ZNF737: variants seen among roughly 807,000 people sequenced by gnomAD.
ZNF737 encodes the protein zinc finger protein 102 (Y3).
A neutral mutation model predicts 11.7 loss-of-function variants in ZNF737; 13 were observed. That is an observed-to-expected ratio of 1.11 (90% CI 0.73 to 1.77). The LOEUF (loss-of-function observed/expected upper bound fraction) is 1.77. Among genes scored for constraint, ZNF737 ranks in the 40% most tolerant of loss-of-function variants. The pLI is 0.00. For missense variants in ZNF737, 636 were observed against 638.0 expected (o/e 1.00, Z 0.03); for synonymous variants, 217 against 216.2 (o/e 1.00, Z -0.03).
downstream of ZNF737, among the ~76,000 whole-genome samples, chr19:20,536,665 G>C (rs1373111335): frequency 6.6e-6 from 1 of 152,112 alleles, no homozygotes; most frequent in Non-Finnish European, 1.5e-5. Flanking sequence ...AAAATTCCCA[G>C]GTGTGGTGGC....
At chr19:20,537,509 C>CTTTTTT (rs1172290847), downstream of ZNF737, among the ~76,000 whole-genome samples, 4 of 58,472 alleles carry the variant, frequency 6.8e-5, no homozygotes, top group African/African-American at 3.3e-4. Context: ...GCCTGGTTTT[C>CTTTTTT]TATTTTTTTT....
At chr19:20,557,367 G>A (rs1245788391) in intron 1 of ZNF737, among the ~76,000 whole-genome samples, 4 of 151,718 alleles carry the variant, frequency 2.6e-5, no homozygotes, top group African/African-American at 9.7e-5. Context: ...ACCTAAATAA[G>A]GCCTCCAAAA....
Position 20,543,033 on chromosome 19 carries a change from C to T in ZNF737, c.*1559G>A. 1 of 985,148 alleles carries T rather than the reference C, an allele frequency of 1.0e-6. No individual in the cohort carries two copies. The highest frequency in any genetic ancestry group is 1.2e-6 in the Non-Finnish European group (1 of 829,766). 61.0% of individuals were successfully genotyped at this position (985,148 alleles called of 1,614,324 possible). ...TGTGGATTAGTTTTTATATTCAATG[C>T]TCTGATTTAGTGTAATGTCTGAAGT... is the stretch of plus-strand genomic sequence containing the variant. On this transcript the variant is annotated 3_prime_UTR_variant, in exon 4 of 4. Transcript: ENST00000427401.
At chr19:20,565,073 T>G (rs1969245209) in intron 1 of ZNF737, among the ~76,000 whole-genome samples, 1 of 152,038 alleles carries the variant, frequency 6.6e-6, no homozygotes, top group African/African-American at 2.4e-5. Flanking sequence ...AAGCTGTGAT[T>G]ACAGACATCT....
intron 1 of ZNF737, among the ~76,000 whole-genome samples, chr19:20,555,008 G>A (rs1430176167): frequency 7.0e-6 from 1 of 143,442 alleles, no homozygotes; most frequent in East Asian, 2.1e-4. Context: ...GATTACAGGT[G>A]CCTGCCACCA....
intron 1 of ZNF737, among the ~76,000 whole-genome samples, chr19:20,555,626 A>G (rs114802659): frequency 0.017 from 2,647 of 152,302 alleles, 79 homozygotes; most frequent in African/African-American, 0.06. Context: ...AATGAAGAAA[A>G]GGCTCTGGGA....
rs1968085631 is a variant in ZNF737 at position 20,538,893 on chromosome 19, T to C, written c.*5699A>G. The stretch of plus-strand genomic sequence containing the variant: ...TTTGCTTTTTTGAAAAACAAATCTT[T>C]TGTTAATTCACTCTAAATTGAGACT... On this transcript the variant is annotated 3_prime_UTR_variant, in exon 4 of 4. Coordinates refer to ENST00000427401, the MANE Select transcript of ZNF737 (RefSeq NM_001159293.2). 1.0e-6 allele frequency: 1 copy of C among 985,376 alleles called. No homozygotes were observed. The highest frequency in any genetic ancestry group is 1.2e-6 in the Non-Finnish European group (1 of 829,830). 61.0% of individuals were successfully genotyped at this position (985,376 alleles called of 1,614,324 possible). A position where few individuals can be genotyped will look rare whatever the true frequency, so the allele number is the denominator to read the frequency against.
chr19:20,544,474 G>A lies in ZNF737; in HGVS notation c.*118C>T. ...TTATCTAATGTCTACTAAGGTTTGA[G>A]GATGAAATAAAGGCTTTGCCACATT... On this transcript the variant is annotated 3_prime_UTR_variant, in exon 4 of 4. Transcript: ENST00000427401. 1 of 1,514,938 alleles carries A rather than the reference G, an allele frequency of 6.6e-7. No individual in the cohort carries two copies. Among genetic ancestry groups the A allele is most frequent in the Admixed American group, 2.4e-5 (1 of 42,328 alleles). The allele number at this position is 1,514,938 out of a possible 1,614,324, so 93.8% of individuals were successfully genotyped here.
intron 2 of ZNF737, among the ~76,000 whole-genome samples, 194 bp from the exon 3 acceptor site, chr19:20,552,764 A>G (rs1171310057): frequency 2.0e-5 from 3 of 152,190 alleles, no homozygotes; most frequent in Admixed American, 6.5e-5. Flanking sequence ...CTGTAATCCC[A>G]GCACTTTGGG....
chr19:20,539,273 G>A lies in ZNF737; in HGVS notation c.*5319C>T. The A allele has an allele frequency of 1.0e-6, 1 of 961,502 alleles. No individual in the cohort carries two copies. The highest frequency in any genetic ancestry group is 1.8e-5 in the African/African-American group (1 of 56,482). The allele number at this position is 961,502 out of a possible 1,614,324, so 59.6% of individuals were successfully genotyped here. On this transcript the variant is annotated 3_prime_UTR_variant, in exon 4 of 4. Transcript: ENST00000427401. ...CCATTGCAGTGCAGCGTGAGTGACA[G>A]AGTGAGAATCCTTCTAAAAAAAAAA...
rs1198135063 is a variant in ZNF737, at chr19:20,543,623, T to TAGG, written c.*966_*968dup. On this transcript the variant is annotated 3_prime_UTR_variant, in exon 4 of 4. Coordinates refer to ENST00000427401, the MANE Select transcript of ZNF737 (RefSeq NM_001159293.2). Reference sequence around the variant, plus strand: ...AGTTTTGCCACATTCTTCACACTTGTAGGAGTTTTGCCAGTATGAATTATC... The same window carrying TAGG: ...AGTTTTGCCACATTCTTCACACTTGTAGGAGGAGTTTTGCCAGTATGAATTATC... 4 of 985,532 alleles carry TAGG rather than the reference T, an allele frequency of 4.1e-6. No individual in the cohort carries two copies. The highest frequency in any genetic ancestry group is 4.8e-6 in the Non-Finnish European group (4 of 829,942). The allele number at this position is 985,532 out of a possible 1,614,324, so 61.0% of individuals were successfully genotyped here.
downstream of ZNF737, among the ~76,000 whole-genome samples, chr19:20,537,191 G>GTTTTTTTT: frequency 6.8e-6 from 1 of 146,126 alleles, no homozygotes; most frequent in Non-Finnish European, 1.5e-5. Flanking sequence ...TAAGGTACTG[G>GTTTTTTTT]TTTTTTTTTT....
downstream of ZNF737, among the ~76,000 whole-genome samples, chr19:20,531,224 G>GGAGGAGA (rs1555752784): frequency 8.5e-6 from 1 of 117,624 alleles, no homozygotes; most frequent in Non-Finnish European, 1.7e-5. Context: ...CGTGGAAAGG[G>GGAGGAGA]GAGGAGAGAG....
At position 20,545,023 on chromosome 19, in the gene ZNF737, C is replaced by G. The variant is rs782686566; in HGVS notation, c.1180G>C (p.Glu394Gln). The G allele has an allele frequency of 5.6e-6, 9 of 1,613,670 alleles. No homozygotes were observed. The South Asian group carries it at 9.9e-5, about 18-fold the overall frequency. Residue 394 changes from glutamate to glutamine, a missense_variant, in exon 4 of 4, where the codon GAG becomes CAG. By Grantham distance (29) the Glu-to-Gln change is conservative. Transcript: ENST00000427401. ...LTTHKRIHTG[E>Q]KPYKCEECGE... ...CATTCTTCACATTTGTAGGGTTTCT[C>G]TCCAGTATGAATTCTCTTATGTGTA... is the stretch of plus-strand genomic sequence containing the variant.
chr19:20,543,176 C>CT lies in ZNF737; in HGVS notation c.*1415dup, dbSNP rs1968289883. Reference sequence around the variant, plus strand: ...AAAATTATATTTTAGCATAAACTCTCTGTTGTTTTCTAAGCTGTAGTTTCT... The same window carrying CT: ...AAAATTATATTTTAGCATAAACTCTCTTGTTGTTTTCTAAGCTGTAGTTTCT... On this transcript the variant is annotated 3_prime_UTR_variant, in exon 4 of 4. Coordinates refer to ENST00000427401, the MANE Select transcript of ZNF737 (RefSeq NM_001159293.2). 1.3e-6 allele frequency: 1 copy of CT among 743,546 alleles called. No individual in the cohort carries two copies. Among genetic ancestry groups the CT allele is most frequent in the Non-Finnish European group, 1.6e-6 (1 of 617,422 alleles). 46.1% of individuals were successfully genotyped at this position (743,546 alleles called of 1,614,324 possible). A position where few individuals can be genotyped will look rare whatever the true frequency, so the allele number is the denominator to read the frequency against.
At chr19:20,534,453 A>ACTCTGTCTCTATCTATC (rs1555753433), downstream of ZNF737, among the ~76,000 whole-genome samples, 2 of 144,626 alleles carry the variant, frequency 1.4e-5, no homozygotes, top group African/African-American at 5.2e-5. Flanking sequence ...AAAAGAAAAA[A>ACTCTGTCTCTATCTATC]TATCTATCTA....
At position 20,543,554 on chromosome 19, in the gene ZNF737, G is replaced by C. The variant is rs1308912106; in HGVS notation, c.*1038C>G. On this transcript the variant is annotated 3_prime_UTR_variant, in exon 4 of 4. Transcript: ENST00000427401. ...CTTCTATTTGTACAATTTTTCTCAA[G>C]GATACTAGCTTTTCTGTGAGATAAG... The C allele has an allele frequency of 1.3e-5, 13 of 985,210 alleles. No individual in the cohort carries two copies. In the Admixed American group the frequency reaches 3.1e-4, roughly 23 times the overall value. The allele number at this position is 985,210 out of a possible 1,614,324, so 61.0% of individuals were successfully genotyped here.
Position 20,541,206 on chromosome 19 carries a change from T to C in ZNF737, c.*3386A>G. 3 of 983,418 alleles carry C rather than the reference T, an allele frequency of 3.1e-6. No homozygotes were observed. The highest frequency in any genetic ancestry group is 2.4e-6 in the Non-Finnish European group (2 of 828,118). The allele number at this position is 983,418 out of a possible 1,614,324, so 60.9% of individuals were successfully genotyped here. A position where few individuals can be genotyped will look rare whatever the true frequency, so the allele number is the denominator to read the frequency against. ...TTTGTTAATCACCTAAATAACATAATTTGTTTTGTTGCAGTAATTGCTTTT... is the reference window on the plus strand; with the variant it reads ...TTTGTTAATCACCTAAATAACATAACTTGTTTTGTTGCAGTAATTGCTTTT... On this transcript the variant is annotated 3_prime_UTR_variant, in exon 4 of 4. Transcript: ENST00000427401.
At chr19:20,557,866 C>T (rs1253793804) in intron 1 of ZNF737, among the ~76,000 whole-genome samples, 1 of 152,126 alleles carries the variant, frequency 6.6e-6, no homozygotes, top group Non-Finnish European at 1.5e-5. Flanking sequence ...CCACCTGCCT[C>T]GGCCCCACAA....
Sources: allele counts gnomAD v4.1 joint callset (sites outside exome capture counted in the v4.1 genomes callset), GRCh38; gene constraint gnomAD v4.1.1; transcripts MANE v1.5; gene names NCBI Gene and HGNC (gene_info 2026-07-23, HGNC 2026-07-21).